Variants in ECM2 observed in about 807,000 individuals in gnomAD.
The protein encoded by ECM2 is extracellular matrix protein 2, female organ and adipocyte specific.
A neutral mutation model predicts 67.5 loss-of-function variants in ECM2; 57 were observed. The observed-to-expected ratio is 0.84, with a 90% confidence interval of 0.68 to 1.05. The LOEUF (loss-of-function observed/expected upper bound fraction) is 1.05. ECM2 is among the 50% of genes least tolerant of loss of function. The pLI is 0.00. For missense variants in ECM2, 741 were observed against 822.8 expected (o/e 0.90, Z 1.22); for synonymous variants, 258 against 294.5 (o/e 0.88, Z 1.27).
At chr9:92,554,904 G>GAGATTAC in the ECM2 span, among the ~76,000 whole-genome samples, 1 of 152,138 alleles carries the variant, frequency 6.6e-6, no homozygotes, top group Non-Finnish European at 1.5e-5. Flanking sequence ...CCAAAGTGCT[G>GAGATTAC]AGATTACAGG....
In ECM2 at chr9:92,514,817, C is replaced by T; in HGVS notation, c.868G>A (p.Glu290Lys). 1.2e-6 allele frequency: 2 copies of T among 1,613,284 alleles called. No homozygotes were observed. The highest frequency in any genetic ancestry group is 1.7e-6 in the Non-Finnish European group (2 of 1,179,648). Residue 290 changes from glutamate to lysine, a missense_variant, in exon 4 of 10, where the codon GAG becomes AAG. Physicochemically the swap from Glu to Lys is moderately conservative, Grantham distance 56 (BLOSUM62 1). Transcript: ENST00000344604. ...EEGEEDEEDE[E>K]DPVRGDMFRM... ...AACATATCTCCTCTTACCGGGTCCT[C>T]CTCGTCCTCCTCATCCTCCTCACCC...
intron 5 of ECM2, 36 bp downstream of exon 5, chr9:92,511,975 A>G: frequency 6.7e-7 from 1 of 1,493,962 alleles, no homozygotes; most frequent in Non-Finnish European, 9.2e-7. Flanking sequence ...TAGTGAAGCC[A>G]TTCATCCAAA....
the ECM2 span, among the ~76,000 whole-genome samples, chr9:92,558,206 TGAA>T: frequency 6.6e-6 from 1 of 152,224 alleles, no homozygotes; most frequent in African/African-American, 2.4e-5. Flanking sequence ...TGGGGGATGC[TGAA>T]GAGCCTTGTT....
At chr9:92,515,611 T>C (rs1847653923) in intron 3 of ECM2, among the ~76,000 whole-genome samples, 2 of 152,324 alleles carry the variant, frequency 1.3e-5, no homozygotes, top group East Asian at 3.9e-4. Flanking sequence ...CTATTGCTAA[T>C]GTGAGAATTT....
At chr9:92,540,810 G>A (rs898788885), upstream of ECM2, among the ~76,000 whole-genome samples, 1 of 151,720 alleles carries the variant, frequency 6.6e-6, no homozygotes, top group Non-Finnish European at 1.5e-5. Context: ...AATATAATAA[G>A]GAATCACTGG....
intron 8 of ECM2, among the ~76,000 whole-genome samples, chr9:92,501,373 G>A (rs1375883829): frequency 2.6e-5 from 4 of 152,162 alleles, no homozygotes; most frequent in Admixed American, 6.5e-5. Flanking sequence ...CGGTTGATGC[G>A]TTGAATCCAA....
At chr9:92,506,388 T>C (rs1344122575) in intron 6 of ECM2, among the ~76,000 whole-genome samples, 1 of 152,108 alleles carries the variant, frequency 6.6e-6, no homozygotes, top group African/African-American at 2.4e-5. Flanking sequence ...CAAACAAATT[T>C]TTTCTACTTT....
At chr9:92,507,697 T>C (rs1367660311) in intron 6 of ECM2, among the ~76,000 whole-genome samples, 1 of 152,192 alleles carries the variant, frequency 6.6e-6, no homozygotes, top group Admixed American at 6.5e-5. Context: ...GCTCCTGATT[T>C]AGTTGTTTCA....
At chr9:92,504,959 A>T (rs1846909219) in intron 7 of ECM2, among the ~76,000 whole-genome samples, 1 of 152,182 alleles carries the variant, frequency 6.6e-6, no homozygotes. Context: ...TCTCTAGAGG[A>T]TAATGAAGCA....
chr9:92,502,423 A>T, intron 8 of ECM2, 90 bp downstream of exon 8: 4 of 1,486,858 alleles, frequency 2.7e-6, no homozygotes, highest in Non-Finnish European at 3.7e-6. Context: ...CACCTCCCTC[A>T]CTTATCCCAT....
intron 4 of ECM2, among the ~76,000 whole-genome samples, chr9:92,514,428 C>A (rs1296331792): frequency 6.6e-6 from 1 of 152,024 alleles, no homozygotes; most frequent in African/African-American, 2.4e-5. Flanking sequence ...GCATGCCCCA[C>A]CACGCCCGGC....
At position 92,495,709 on chromosome 9, in the gene ECM2, A is replaced by G. The variant is rs1249958581; in HGVS notation, c.*606T>C. On this transcript the variant is annotated 3_prime_UTR_variant, in exon 10 of 10. Coordinates refer to ENST00000344604, the MANE Select transcript of ECM2 (RefSeq NM_001393.4). ...CTTAATGTTAACAATGTACATAACCATAATATGATTTTCAAAACCAGGAAA... is the reference window on the plus strand; with the variant it reads ...CTTAATGTTAACAATGTACATAACCGTAATATGATTTTCAAAACCAGGAAA... 1.1e-5 allele frequency: 10 copies of G among 901,492 alleles called. No individual in the cohort carries two copies. The African/African-American group carries it at 1.3e-4, about 11-fold the overall frequency. 55.8% of individuals were successfully genotyped at this position (901,492 alleles called of 1,614,324 possible).
chr9:92,532,487 AT>A (rs1848860261), intron 1 of ECM2, among the ~76,000 whole-genome samples: 1 of 151,568 alleles, frequency 6.6e-6, no homozygotes, highest in South Asian at 2.1e-4. Flanking sequence ...CAGCTTTCTC[AT>A]TGTGTCTTTA....
In ECM2 at chr9:92,502,591, C is replaced by T. The variant is rs1846748772; in HGVS notation, c.1526G>A (p.Arg509Lys). The T allele has an allele frequency of 1.9e-6, 3 of 1,610,556 alleles. No homozygotes were observed. The highest frequency in any genetic ancestry group is 2.5e-6 in the Non-Finnish European group (3 of 1,177,486). ...ACGTAGTACAATGACATTGATCTTT[C>T]TGGTATGATTGAAACAAATTTCAGT... The part of the protein sequence containing the change: ...EITEICFNHT[R>K]KINVIVLRYN... Residue 509 changes from arginine (R) to lysine (K), a missense_variant, in exon 8 of 10, where the codon AGA becomes AAA. Physicochemically the swap from Arg to Lys is conservative, Grantham distance 26. Coordinates refer to ENST00000344604, the MANE Select transcript of ECM2 (RefSeq NM_001393.4).
intron 3 of ECM2, among the ~76,000 whole-genome samples, chr9:92,516,518 A>C (rs1301263950): frequency 1.3e-5 from 2 of 152,240 alleles, no homozygotes; most frequent in African/African-American, 4.8e-5. Context: ...ATGTATTATA[A>C]AGTCTGTGAA....
At chr9:92,535,296 A>G (rs1353419560) in intron 1 of ECM2, among the ~76,000 whole-genome samples, 2 of 152,200 alleles carry the variant, frequency 1.3e-5, no homozygotes, top group Non-Finnish European at 2.9e-5. Flanking sequence ...TTTCATTGAT[A>G]TACAGAATTT....
chr9:92,532,917 A>AAATAC (rs1453220657), intron 1 of ECM2, among the ~76,000 whole-genome samples: 1 of 151,988 alleles, frequency 6.6e-6, no homozygotes, highest in East Asian at 1.9e-4. Context: ...ATACTTGAGA[A>AAATAC]TTTGCGTCTG....
In ECM2 at chr9:92,498,497, CTTAA is replaced by C. The variant is rs1316949633; in HGVS notation, c.1932-2018_1932-2015del. On this transcript the variant is annotated intron_variant, in intron 9 of 9. Coordinates refer to ENST00000344604, the MANE Select transcript of ECM2 (RefSeq NM_001393.4). ...AGACAATCATAGAAGTAAGACTTCT[CTTAA>C]TTCAACTTCTTACACAGTTTTGACT... 4.6e-5 allele frequency among the ~76,000 whole-genome samples: 7 copies of C among 152,054 alleles called. No homozygotes were observed. In the East Asian group the frequency reaches 1.2e-3, roughly 25 times the overall value.
At position 92,517,868 on chromosome 9, in the gene ECM2, C is replaced by G; in HGVS notation, c.300G>C (p.Lys100Asn). The part of the protein sequence containing the change: ...ESSYNVLPGK[K>N]GHCLVKGITM... ...TTATGCCCTTTACCAAACAGTGTCC[C>G]TTCTTTCCTAGAAGAAAACAAAAGC... The change falls in exon 3 of 10, where the codon AAG (lysine) becomes AAC (asparagine). Residue 100 changes from lysine to asparagine, a missense_variant. Transcript: ENST00000344604. The G allele has an allele frequency of 6.2e-7, 1 of 1,613,866 alleles. No individual in the cohort carries two copies. The highest frequency in any genetic ancestry group is 8.5e-7 in the Non-Finnish European group (1 of 1,179,934).
Sources: allele counts gnomAD v4.1 joint callset (sites outside exome capture counted in the v4.1 genomes callset), GRCh38; gene constraint gnomAD v4.1.1; transcripts MANE v1.5; gene names NCBI Gene and HGNC (gene_info 2026-07-23, HGNC 2026-07-21).